BFSP1: variants seen among roughly 807,000 people sequenced by gnomAD.
BFSP1 encodes beaded filament structural protein 1.
BFSP1 carries 38 observed loss-of-function variants against 43.9 expected under a neutral mutation model. The observed-to-expected ratio is 0.87, with a 90% CI of 0.67 to 1.14. The LOEUF (loss-of-function observed/expected upper bound fraction) is 1.14. Among genes scored for constraint, BFSP1 ranks in the 50% most tolerant of loss-of-function variants. The pLI, the probability that BFSP1 is intolerant of heterozygous loss-of-function variation, is 0.00. For missense variants in BFSP1, 850 were observed against 875.1 expected, an observed-to-expected ratio of 0.97 and a Z score of 0.36; for synonymous variants, 352 against 354.8, an observed-to-expected ratio of 0.99 and a Z score of 0.09.
At chr20:17,498,761 C>T in intron 6 of BFSP1, 59 bp downstream of exon 6, 1 of 1,555,300 alleles carries the variant, frequency 6.4e-7, no homozygotes, top group Non-Finnish European at 8.8e-7. Flanking sequence ...ACACAATAGG[C>T]ACTCAATAAA....
At chr20:17,518,535 CGCAGG>C (rs948160832) in intron 2 of BFSP1, among the ~76,000 whole-genome samples, 5 of 152,176 alleles carry the variant, frequency 3.3e-5, no homozygotes, top group African/African-American at 1.2e-4. Context: ...GCCTTCCTAC[CGCAGG>C]GGAAGTGGGC....
intron 5 of BFSP1, among the ~76,000 whole-genome samples, chr20:17,501,661 G>C (rs1470633485): frequency 6.6e-6 from 1 of 152,090 alleles, no homozygotes; most frequent in Non-Finnish European, 1.5e-5. Context: ...AGGAGGAAGG[G>C]AAGAAAAGGT....
upstream of BFSP1, among the ~76,000 whole-genome samples, chr20:17,562,626 C>T (rs969623319): frequency 1.3e-5 from 2 of 149,322 alleles, no homozygotes; most frequent in African/African-American, 4.9e-5. Context: ...CTACTTTGTA[C>T]TCCATTTTCT....
chr20:17,493,937 C>T lies in BFSP1; in HGVS notation c.*137G>A, dbSNP rs905175294. ...AAAGAAAACATTTTAATGAAGGCTT[C>T]GTTGGCAATGCCAGATGGGTCAACT... On this transcript the variant is annotated 3_prime_UTR_variant, in exon 8 of 8. Coordinates refer to ENST00000377873, the MANE Select transcript of BFSP1 (RefSeq NM_001195.5). The T allele has an allele frequency of 3.3e-5, 26 of 783,364 alleles. No individual in the cohort carries two copies. The highest frequency in any genetic ancestry group is 2.4e-4 in the Middle Eastern group (1 of 4,232). 48.5% of individuals were successfully genotyped at this position (783,364 alleles called of 1,614,324 possible).
chr20:17,539,955 A>C (rs967465028), intron 1 of BFSP1, among the ~76,000 whole-genome samples: 1 of 152,158 alleles, frequency 6.6e-6, no homozygotes, highest in Non-Finnish European at 1.5e-5. Context: ...AGTGCAAGCT[A>C]TTTTATGAAC....
At chr20:17,505,843 G>A (rs2033923690) in intron 5 of BFSP1, among the ~76,000 whole-genome samples, 1 of 152,158 alleles carries the variant, frequency 6.6e-6, no homozygotes, top group Admixed American at 6.5e-5. Flanking sequence ...GGAGCTCCCG[G>A]GCGCACCCAG....
At chr20:17,551,385 A>C (rs2034893243) in intron 1 of BFSP1, among the ~76,000 whole-genome samples, 1 of 152,218 alleles carries the variant, frequency 6.6e-6, no homozygotes. Flanking sequence ...TCACAAAGAC[A>C]GCACCAGGGA....
chr20:17,514,749 A>G lies in BFSP1; in HGVS notation c.506T>C (p.Ile169Thr), dbSNP rs1388777609. The G allele has an allele frequency of 2.5e-6, 4 of 1,613,944 alleles. No individual in the cohort carries two copies. The highest frequency in any genetic ancestry group is 2.2e-5 in the South Asian group (2 of 91,088). Residue 169 changes from isoleucine to threonine, a missense_variant, in exon 3 of 8, where the codon ATC becomes ACC. Coordinates refer to ENST00000377873, the MANE Select transcript of BFSP1 (RefSeq NM_001195.5). ...CTTGTGCCTGTCCTTTGCCGCACTG[A>G]TATCATCTTGCAGAAATTGGGCTTC... Reference protein sequence around the residue: ...QLEAQFLQDDISAAKDRHKKN... With the variant: ...QLEAQFLQDDTSAAKDRHKKN...
At chr20:17,555,288 CAAAAAA>C (rs929219257) in intron 1 of BFSP1, among the ~76,000 whole-genome samples, 2 of 44,102 alleles carry the variant, frequency 4.5e-5, no homozygotes, top group African/African-American at 9.0e-5. Context: ...TCCTATCTCA[CAAAAAA>C]AAAAAAAAAA....
chr20:17,514,919 T>A, intron 2 of BFSP1, 103 bp from the exon 3 acceptor site: 1 of 1,010,524 alleles, frequency 9.9e-7, no homozygotes, highest in South Asian at 1.3e-5. Flanking sequence ...CTTACTGAAA[T>A]GCAGACTCTG....
intron 2 of BFSP1, 21 bp downstream of exon 2, chr20:17,524,827 C>A: frequency 6.2e-7 from 1 of 1,611,850 alleles, no homozygotes. Context: ...CTACGTAAAC[C>A]CAAGGATGTG....
rs1252706139 is a variant in BFSP1 at position 17,525,351 on chromosome 20, A to C, written c.378-443T>G. Among the ~76,000 whole-genome samples the C allele has an allele frequency of 6.6e-6, 1 of 152,222 alleles. No homozygotes were observed. The highest frequency in any genetic ancestry group is 1.5e-5 in the Non-Finnish European group (1 of 68,042). On this transcript the variant is annotated intron_variant, in intron 1 of 7. Transcript: ENST00000377873. This position sits in a 1 kb window ranked among gnomAD's most constrained non-coding sequence, Gnocchi z 4.2. ...TATTTGCTGACACATGTAATTTGTC[A>C]GTTTTTCTGGATTATGTCATTTAAT...
intron 5 of BFSP1, among the ~76,000 whole-genome samples, chr20:17,504,806 G>A (rs1374729247): frequency 6.6e-6 from 1 of 152,174 alleles, no homozygotes; most frequent in Non-Finnish European, 1.5e-5. Context: ...GCTGTGAGCC[G>A]CTGAGGGCAC....
Position 17,524,897 on chromosome 20 carries a change from T to C in BFSP1, c.389A>G (p.Glu130Gly), listed in dbSNP as rs764132982. Residue 130 changes from glutamate to glycine, a missense_variant, in exon 2 of 8, where the codon GAG (glutamate) becomes GGG (glycine). Transcript: ENST00000377873. ...LDEFRSKYEN[E>G]CECQLLLKEM... is the part of the protein sequence containing the mutation. ...TTTTAGCAGGAGTTGACATTCGCAC[T>C]CATTTTCATACCTGCAAATTGGACA... The C allele has an allele frequency of 6.2e-7, 1 of 1,614,084 alleles. No individual in the cohort carries two copies. Among genetic ancestry groups the C allele is most frequent in the South Asian group, 1.1e-5 (1 of 91,084 alleles).
intron 2 of BFSP1, among the ~76,000 whole-genome samples, chr20:17,518,862 G>C (rs901652454): frequency 1.3e-5 from 2 of 152,136 alleles, no homozygotes; most frequent in African/African-American, 4.8e-5. Flanking sequence ...GGCCAGCATG[G>C]GTCACATGAC....
upstream of BFSP1, among the ~76,000 whole-genome samples, chr20:17,533,786 T>C (rs1197208629): frequency 2.6e-5 from 4 of 152,170 alleles, no homozygotes; most frequent in East Asian, 7.7e-4. Context: ...GAGAAAAATA[T>C]ATTCTAGAAA....
Position 17,529,356 on chromosome 20 carries a change from G to A in BFSP1, c.377+1597C>T, listed in dbSNP as rs140802525. Among the ~76,000 whole-genome samples the A allele has an allele frequency of 9.6e-3, 1,460 of 152,300 alleles. 19 individuals carry two copies. The highest frequency in any genetic ancestry group is 0.033 in the African/African-American group (1,378 of 41,554). On this transcript the variant is annotated intron_variant, in intron 1 of 7. Transcript: ENST00000377873. Reference sequence around the variant, plus strand: ...CTCCCAAAGTGCTGGGATTACAGGCGTGAGCCACTGCACCCAGCCCATAGT... The same window carrying A: ...CTCCCAAAGTGCTGGGATTACAGGCATGAGCCACTGCACCCAGCCCATAGT...
intron 5 of BFSP1, among the ~76,000 whole-genome samples, chr20:17,500,664 T>C (rs986929316): frequency 6.6e-5 from 10 of 152,220 alleles, no homozygotes; most frequent in African/African-American, 9.7e-5. Context: ...TAACGAGATG[T>C]TTCTGGTAAG....
rs1279380791 is a variant in BFSP1 at position 17,507,723 on chromosome 20, CCA to C, written c.735+1164_735+1165del. On this transcript the variant is annotated intron_variant, in intron 5 of 7. Coordinates refer to ENST00000377873, the MANE Select transcript of BFSP1 (RefSeq NM_001195.5). The surrounding 1 kb of genome is among the most constrained non-coding windows in gnomAD (Gnocchi z 4.4). ...AGCCTCAGAAGAAACCACACAGGCC[CCA>C]GTCACCAGGATGAGGCACATGGTCC... 2.0e-5 allele frequency among the ~76,000 whole-genome samples: 3 copies of C among 152,128 alleles called. No individual in the cohort carries two copies. Among genetic ancestry groups the C allele is most frequent in the African/African-American group, 7.2e-5 (3 of 41,420 alleles).
Sources: gnomAD v4.1 joint callset for allele counts (sites outside exome capture counted in the v4.1 genomes callset) on GRCh38, gnomAD v4.1.1 for gene constraint, Gnocchi (gnomAD v3.1) non-coding constraint, MANE v1.5 for transcripts, NCBI Gene and HGNC (gene_info 2026-07-23, HGNC 2026-07-21) for gene names.